The following PRKN variants were observed in gnomAD, a reference collection of about 807,000 sequenced individuals.
PRKN encodes the protein parkin RBR E3 ubiquitin protein ligase, also known as E3 ubiquitin-protein ligase parkin.
A neutral mutation model predicts 59.5 loss-of-function variants in PRKN; 56 were observed. The observed-to-expected ratio is 0.94, with a 90% CI of 0.76 to 1.18. The LOEUF is 1.18. PRKN is among the 50% of genes most tolerant of loss of function. The probability of loss-of-function intolerance (pLI) is 0.00; values close to 1 mark genes in which losing one functional copy is unlikely to be tolerated. For synonymous variants in PRKN, 250 were observed against 222.1 expected (o/e 1.13, Z -1.12); for missense variants, 657 against 596.4 (o/e 1.10, Z -1.06).
chr6:161,758,261 C>T (rs1028858492), intron 7 of PRKN, among the ~76,000 whole-genome samples: 1 of 152,002 alleles, frequency 6.6e-6, no homozygotes, highest in African/African-American at 2.4e-5. Flanking sequence ...TCTACATGTA[C>T]AAAGACTTGC....
chr6:162,244,030 TG>T (rs1156804381), intron 3 of PRKN, among the ~76,000 whole-genome samples: 1 of 152,126 alleles, frequency 6.6e-6, no homozygotes, highest in Non-Finnish European at 1.5e-5. Context: ...GAAAAACAGT[TG>T]CTCTTTAGAA....
intron 9 of PRKN, among the ~76,000 whole-genome samples, chr6:161,453,250 C>T (rs538842242): frequency 2.6e-5 from 4 of 152,268 alleles, no homozygotes; most frequent in East Asian, 3.9e-4. Context: ...CTGGGCTTAA[C>T]GTCGTGGCTC....
intron 7 of PRKN, among the ~76,000 whole-genome samples, chr6:161,644,426 G>A (rs1249760405): frequency 1.3e-5 from 2 of 152,206 alleles, no homozygotes; most frequent in Admixed American, 6.5e-5. Context: ...GTTTATAAAT[G>A]GGAAGAAAGT....
intron 2 of PRKN, among the ~76,000 whole-genome samples, chr6:162,263,987 G>T (rs538327325): frequency 6.9e-6 from 1 of 145,428 alleles, no homozygotes; most frequent in South Asian, 2.2e-4. Flanking sequence ...TCAGTAAATC[G>T]ATGTGGCCGG....
intron 1 of PRKN, among the ~76,000 whole-genome samples, chr6:162,597,017 A>G (rs1781519544): frequency 6.6e-6 from 1 of 152,322 alleles, no homozygotes; most frequent in African/African-American, 2.4e-5. Flanking sequence ...AAGTCTAAAT[A>G]GTTATCAAAA....
chr6:162,701,330 A>C (rs1778144466), intron 1 of PRKN, among the ~76,000 whole-genome samples: 1 of 152,168 alleles, frequency 6.6e-6, no homozygotes, highest in Admixed American at 6.6e-5. Flanking sequence ...CTATTGCACA[A>C]GAAGATAAGA....
intron 3 of PRKN, among the ~76,000 whole-genome samples, chr6:162,231,956 C>T (rs934799472): frequency 2.6e-5 from 4 of 152,162 alleles, no homozygotes; most frequent in African/African-American, 9.7e-5. Flanking sequence ...GCTGTGTCCA[C>T]AGTATCATAG....
chr6:162,326,110 T>C (rs1783262336), intron 2 of PRKN, among the ~76,000 whole-genome samples: 1 of 152,110 alleles, frequency 6.6e-6, no homozygotes, highest in Non-Finnish European at 1.5e-5. Flanking sequence ...GAATGCTGAG[T>C]AGGGAGGAGA....
chr6:161,577,627 C>T (rs1445967439), intron 7 of PRKN, among the ~76,000 whole-genome samples: 2 of 152,184 alleles, frequency 1.3e-5, no homozygotes, highest in East Asian at 3.9e-4. Context: ...CAATTTCTTA[C>T]TTGTAGATGA....
At chr6:161,568,765 A>G (rs2115478192) in intron 8 of PRKN, among the ~76,000 whole-genome samples, 1 of 152,236 alleles carries the variant, frequency 6.6e-6, no homozygotes, top group South Asian at 2.1e-4. Flanking sequence ...CATACTATAT[A>G]TGTGTGTACA....
chr6:161,643,471 C>A (rs1783814117), intron 7 of PRKN, among the ~76,000 whole-genome samples: 1 of 152,154 alleles, frequency 6.6e-6, no homozygotes, highest in East Asian at 1.9e-4. Flanking sequence ...ATTTAGATAA[C>A]TCAAATTCAA....
intron 7 of PRKN, among the ~76,000 whole-genome samples, chr6:161,694,398 T>C (rs1436148761): frequency 6.6e-6 from 1 of 152,196 alleles, no homozygotes; most frequent in African/African-American, 2.4e-5. Context: ...TGGTACAATA[T>C]ACATAACGTA....
intron 4 of PRKN, among the ~76,000 whole-genome samples, chr6:162,148,440 A>G (rs1782121224): frequency 6.6e-6 from 1 of 152,078 alleles, no homozygotes; most frequent in African/African-American, 2.4e-5. Flanking sequence ...CTAAACTATC[A>G]AGATTAAGTC....
chr6:162,259,134 T>C (rs1308248051), intron 3 of PRKN, among the ~76,000 whole-genome samples: 1 of 152,220 alleles, frequency 6.6e-6, no homozygotes, highest in Non-Finnish European at 1.5e-5. Context: ...AAACATTGTA[T>C]AACCAAGGAT....
intron 6 of PRKN, among the ~76,000 whole-genome samples, chr6:161,907,120 CCT>C (rs1179232279): frequency 6.6e-6 from 1 of 152,156 alleles, no homozygotes; most frequent in Non-Finnish European, 1.5e-5. Flanking sequence ...ACCAGATATT[CCT>C]CTGAGATGTG....
intron 2 of PRKN, among the ~76,000 whole-genome samples, chr6:162,344,614 T>A (rs1784319368): frequency 9.6e-6 from 1 of 104,320 alleles, no homozygotes; most frequent in Non-Finnish European, 1.9e-5. Flanking sequence ...AAAAATGGCG[T>A]CTTTATGATG....
At chr6:162,111,408 T>C (rs1261359005) in intron 4 of PRKN, among the ~76,000 whole-genome samples, 1 of 151,996 alleles carries the variant, frequency 6.6e-6, no homozygotes, top group African/African-American at 2.4e-5. Context: ...GAGCTTGCAG[T>C]GAGCCGAGAC....
intron 2 of PRKN, among the ~76,000 whole-genome samples, chr6:162,353,118 C>A (rs1422546977): frequency 6.6e-6 from 1 of 152,122 alleles, no homozygotes; most frequent in Non-Finnish European, 1.5e-5. Flanking sequence ...GTGGTGGTAG[C>A]AGGCCAATGC....
Position 161,913,395 on chromosome 6 carries a change from A to C in PRKN, c.734+59907T>G, listed in dbSNP as rs1778441037. Among the ~76,000 whole-genome samples, 2 of 152,328 alleles carry C rather than the reference A, an allele frequency of 1.3e-5. 1 individual carries two copies. The highest frequency in any genetic ancestry group is 4.1e-4 in the South Asian group (2 of 4,826). Reference sequence around the variant, plus strand: ...TCAAAACTTACTGCAAAGAACAAAAACATAAGTGGTCAAAAATCATTTGAA... The same window carrying C: ...TCAAAACTTACTGCAAAGAACAAAACCATAAGTGGTCAAAAATCATTTGAA... On this transcript the variant is annotated intron_variant, in intron 6 of 11. Transcript: ENST00000366898.
Sources: allele counts gnomAD v4.1 joint callset (sites outside exome capture counted in the v4.1 genomes callset), GRCh38; gene constraint gnomAD v4.1.1; transcripts MANE v1.5; gene names NCBI Gene and HGNC (gene_info 2026-07-23, HGNC 2026-07-21).